The following NFATC4 variants were observed in gnomAD, a reference collection of about 807,000 sequenced individuals.
NFATC4 encodes the protein nuclear factor of activated T-cells, cytoplasmic 4.
Under a neutral mutation model 73.4 loss-of-function variants are expected in NFATC4, and 25 were observed. That is an observed-to-expected ratio of 0.34 (90% CI 0.25 to 0.48). The LOEUF is 0.48. NFATC4 is among the 20% of genes least tolerant of loss of function. NFATC4 has a pLI of 0.99. For synonymous variants in NFATC4, 523 were observed against 510.3 expected (o/e 1.02, Z -0.34); for missense variants, 1,130 against 1,203.7 (o/e 0.94, Z 0.91).
upstream of NFATC4, among the ~76,000 whole-genome samples, chr14:24,367,830 C>T (rs940543673): frequency 1.3e-5 from 2 of 152,168 alleles, no homozygotes; most frequent in East Asian, 1.9e-4. Flanking sequence ...GGGCTCTCTA[C>T]CCTGGGGGCC....
At chr14:24,368,131 TGGGGGGGGGACCGC>T, upstream of NFATC4, 1 of 1,133,462 alleles carries the variant, frequency 8.8e-7, no homozygotes, top group Non-Finnish European at 1.1e-6. Flanking sequence ...AGGGACAGGC[TGGGGGGGGGACCGC>T]TTTGAAGAAG....
intron 6 of NFATC4, 37 bp downstream of exon 6, chr14:24,374,503 G>T: frequency 6.4e-7 from 1 of 1,571,370 alleles, no homozygotes; most frequent in Non-Finnish European, 8.7e-7. Context: ...CAGGCAGGGA[G>T]AGCTTGGGAG....
rs2042624900 is a variant in NFATC4 at position 24,376,498 on chromosome 14, C to T, written c.2261C>T (p.Pro754Leu). 6.2e-7 allele frequency: 1 copy of T among 1,613,586 alleles called. No homozygotes were observed. ...GMPPLYPQTGPPPSYRPGLRM... is the reference protein window; with the variant it reads ...GMPPLYPQTGLPPSYRPGLRM... Reference sequence around the variant, plus strand: ...CCCCCTCTGTACCCCCAGACGGGGCCCCCACCATCCTACAGACCGGGCCTG... The same window carrying T: ...CCCCCTCTGTACCCCCAGACGGGGCTCCCACCATCCTACAGACCGGGCCTG... The change falls in exon 9 of 10, where the codon CCC (proline) becomes CTC (leucine). Residue 754 changes from proline (P) to leucine (L), a missense_variant. Pro to Leu is a moderately conservative substitution (Grantham distance 98). This residue lies in a region of NFATC4 where 390 missense variants were observed against 408.1 expected (regional missense o/e 0.96). Transcript: ENST00000250373. This position sits in a 1 kb window ranked among gnomAD's most constrained non-coding sequence, Gnocchi z 5.0.
In NFATC4 at chr14:24,368,266, C is replaced by G; in HGVS notation, c.-75C>G. Reference sequence around the variant, plus strand: ...CAGAGAAAGGGAGGGAGGGAGCCACCCGGGTGAAGATACAGCAGCCTCCTG... The same window carrying G: ...CAGAGAAAGGGAGGGAGGGAGCCACGCGGGTGAAGATACAGCAGCCTCCTG... On this transcript the variant is annotated 5_prime_UTR_variant, in exon 1 of 10. Coordinates refer to ENST00000250373, the MANE Select transcript of NFATC4 (RefSeq NM_004554.5). The G allele has an allele frequency of 7.4e-7, 1 of 1,353,876 alleles. No individual in the cohort carries two copies. The highest frequency in any genetic ancestry group is 9.5e-7 in the Non-Finnish European group (1 of 1,050,728). 83.9% of individuals were successfully genotyped at this position (1,353,876 alleles called of 1,614,324 possible).
At position 24,370,320 on chromosome 14, in the gene NFATC4, G is replaced by A. The variant is rs748276093; in HGVS notation, c.922G>A (p.Asp308Asn). The A allele has an allele frequency of 6.2e-7, 1 of 1,611,532 alleles. No individual in the cohort carries two copies. The highest frequency in any genetic ancestry group is 1.7e-5 in the Admixed American group (1 of 59,976). ...PPPPPLPLAR[D>N]PGSPGPFDYV... is the part of the protein sequence containing the mutation. ...ACCACCCCCATTGCCTCTGGCCCGG[G>A]ACCCGGGCTCCCCTGGTCCCTTTGA... Residue 308 changes from aspartate (D) to asparagine (N), a missense_variant, in exon 2 of 10, where the codon GAC (aspartate) becomes AAC (asparagine). By Grantham distance (23) the Asp-to-Asn change is conservative (BLOSUM62 1). Transcript: ENST00000250373.
rs1202073978 is a variant in NFATC4, at chr14:24,373,090, T to A, written c.1360-81T>A. On this transcript the variant is annotated intron_variant, in intron 3 of 9. Transcript: ENST00000250373. The surrounding 1 kb of genome is among the most constrained non-coding windows in gnomAD (Gnocchi z 4.7). ...TTTATCTTTCACCATTCCCATCCCA[T>A]GGTAGACTGAAAATCTAGGGATGAA... 7.2e-7 allele frequency: 1 copy of A among 1,388,432 alleles called. No homozygotes were observed. Among genetic ancestry groups the A allele is most frequent in the Non-Finnish European group, 1.0e-6 (1 of 993,654 alleles). 86.0% of individuals were successfully genotyped at this position (1,388,432 alleles called of 1,614,324 possible).
rs1346029228 is a variant in NFATC4, at chr14:24,375,994, T to C, written c.1949T>C (p.Val650Ala). The change falls in exon 8 of 10, where the codon GTC becomes GCC. Residue 650 changes from valine (V) to alanine (A), a missense_variant. Coordinates refer to ENST00000250373, the MANE Select transcript of NFATC4 (RefSeq NM_004554.5). ...CCCTAGGTGACGCTGACCCTGACTG[T>C]CCCCGAGTACAGCAACAAGAGGGTT... ...QSNEVTLTLTVPEYSNKRVSR... is the reference protein window; with the variant it reads ...QSNEVTLTLTAPEYSNKRVSR... 1.9e-6 allele frequency: 3 copies of C among 1,613,992 alleles called. No homozygotes were observed. In the South Asian group the frequency reaches 3.3e-5, roughly 18 times the overall value.
intron 6 of NFATC4, among the ~76,000 whole-genome samples, chr14:24,374,907 C>T (rs1594717019): frequency 6.6e-6 from 1 of 152,050 alleles, no homozygotes. Flanking sequence ...CCAGCACCAA[C>T]CTGAGGCCTT....
At chr14:24,367,755 G>A (rs1422103390), upstream of NFATC4, 9 of 1,423,164 alleles carry the variant, frequency 6.3e-6, no homozygotes, top group African/African-American at 1.4e-5. Flanking sequence ...AAGGGGAGGA[G>A]AAGTGGTTCT....
chr14:24,368,012 G>C, upstream of NFATC4: 1 of 1,089,864 alleles, frequency 9.2e-7, no homozygotes, highest in African/African-American at 1.7e-5. Context: ...TTTTGAGGGG[G>C]AGGGACTGAA....
At chr14:24,367,403 C>G (rs928876362), upstream of NFATC4, 9 of 1,535,508 alleles carry the variant, frequency 5.9e-6, no homozygotes, top group African/African-American at 1.1e-4. Context: ...GCCAACTTCC[C>G]GTGGAGGCTA....
In NFATC4 at chr14:24,370,483, T is replaced by C. The variant is rs905702316; in HGVS notation, c.1085T>C (p.Val362Ala). The change falls in exon 2 of 10, where the codon GTG (valine) becomes GCG (alanine). Residue 362 changes from valine to alanine, a missense_variant. Coordinates refer to ENST00000250373, the MANE Select transcript of NFATC4 (RefSeq NM_004554.5). ...CTGCCCTTGGGAGCAGAGGAGTCTGTGGCTCCTCCAGGAGGTTCCCGGAAG... is the reference window on the plus strand; with the variant it reads ...CTGCCCTTGGGAGCAGAGGAGTCTGCGGCTCCTCCAGGAGGTTCCCGGAAG... ...GKLPLGAEES[V>A]APPGGSRKEV... 2 of 1,614,002 alleles carry C rather than the reference T, an allele frequency of 1.2e-6. No individual in the cohort carries two copies. The highest frequency in any genetic ancestry group is 2.7e-5 in the African/African-American group (2 of 74,924).
At chr14:24,375,856 G>T in intron 7 of NFATC4, 119 bp from the exon 8 acceptor site, 1 of 1,551,972 alleles carries the variant, frequency 6.4e-7, no homozygotes, top group Non-Finnish European at 8.9e-7. Flanking sequence ...CATCTCTAGG[G>T]AATGAACTTT....
chr14:24,369,590 T>A lies in NFATC4; in HGVS notation c.192T>A (p.Pro64=). The change falls in exon 2 of 10, where the codon CCT becomes CCA. Residue 64 remains proline, a synonymous_variant. Coordinates refer to ENST00000250373, the MANE Select transcript of NFATC4 (RefSeq NM_004554.5). The part of the protein sequence containing the change: ...YGAAPIGIPR[P]PPPRPGMHSP... ...CTGCACCTATCGGTATTCCCCGACC[T>A]CCACCCCCTCGGCCTGGCATGCATT... is the stretch of plus-strand genomic sequence containing the variant. The A allele has an allele frequency of 6.2e-7, 1 of 1,612,746 alleles. No individual in the cohort carries two copies. Among genetic ancestry groups the A allele is most frequent in the Non-Finnish European group, 8.5e-7 (1 of 1,179,532 alleles).
Position 24,369,996 on chromosome 14 carries a change from T to A in NFATC4, c.598T>A (p.Ser200Thr). The A allele has an allele frequency of 6.2e-7, 1 of 1,612,534 alleles. No individual in the cohort carries two copies. The highest frequency in any genetic ancestry group is 8.5e-7 in the Non-Finnish European group (1 of 1,179,902). ...GTATGCAGCCTGCGACGAGGTGGAG[T>A]CTGAGCTAAATGAGGCGGCCTCCCG... ...ALYAACDEVE[S>T]ELNEAASRFG... The change falls in exon 2 of 10, where the codon TCT becomes ACT. Residue 200 changes from serine to threonine, a missense_variant. By Grantham distance (58) the Ser-to-Thr change is moderately conservative. Coordinates refer to ENST00000250373, the MANE Select transcript of NFATC4 (RefSeq NM_004554.5).
At position 24,376,396 on chromosome 14, in the gene NFATC4, C is replaced by T; in HGVS notation, c.2159C>T (p.Pro720Leu). ...GACATGGACTTCTCACCACCCAGGCCCCCCTACCCCTCCTATCCCCATGAA... is the reference window on the plus strand; with the variant it reads ...GACATGGACTTCTCACCACCCAGGCTCCCCTACCCCTCCTATCCCCATGAA... The part of the protein sequence containing the change: ...GTDMDFSPPR[P>L]PYPSYPHEDP... Residue 720 changes from proline to leucine, a missense_variant, in exon 9 of 10, where the codon CCC (proline) becomes CTC (leucine). By Grantham distance (98) the Pro-to-Leu change is moderately conservative (BLOSUM62 -3). Coordinates refer to ENST00000250373, the MANE Select transcript of NFATC4 (RefSeq NM_004554.5). This position sits in a 1 kb window ranked among gnomAD's most constrained non-coding sequence, Gnocchi z 5.0. 6.2e-7 allele frequency: 1 copy of T among 1,613,422 alleles called. No individual in the cohort carries two copies. The highest frequency in any genetic ancestry group is 8.5e-7 in the Non-Finnish European group (1 of 1,179,630).
Position 24,378,313 on chromosome 14 carries a change from A to T in NFATC4, c.*608A>T, listed in dbSNP as rs2042683465. 1 of 156,142 alleles carries T rather than the reference A, an allele frequency of 6.4e-6. No homozygotes were observed. The highest frequency in any genetic ancestry group is 6.0e-5 in the Admixed American group (1 of 16,542). 9.7% of individuals were successfully genotyped at this position (156,142 alleles called of 1,614,324 possible). On this transcript the variant is annotated 3_prime_UTR_variant, in exon 10 of 10. Transcript: ENST00000250373. ...GTCCAGATTCCTTAGGAGCTTTGGGATGAGGCCCAGGAGGCTGCATTTTTC... is the reference window on the plus strand; with the variant it reads ...GTCCAGATTCCTTAGGAGCTTTGGGTTGAGGCCCAGGAGGCTGCATTTTTC...
At position 24,372,498 on chromosome 14, in the gene NFATC4, G is replaced by T. The variant is rs773994849; in HGVS notation, c.1254G>T (p.Glu418Asp). ...TGCCCAGCCAATATGAGCAGCTGGAGCTGAGGATCGAGGTACAGCCTAGAG... is the reference window on the plus strand; with the variant it reads ...TGCCCAGCCAATATGAGCAGCTGGATCTGAGGATCGAGGTACAGCCTAGAG... ...WPLPSQYEQL[E>D]LRIEVQPRAH... The change falls in exon 3 of 10, where the codon GAG becomes GAT. Residue 418 changes from glutamate (E) to aspartate (D), a missense_variant. Physicochemically the swap from Glu to Asp is conservative, Grantham distance 45. Around this residue, in one of 3 missense-constraint regions of NFATC4, gnomAD observed 585 missense variants for 574.3 expected, o/e 1.02. Transcript: ENST00000250373. 4 of 1,613,936 alleles carry T rather than the reference G, an allele frequency of 2.5e-6. No individual in the cohort carries two copies. The African/African-American group carries it at 4.0e-5, about 16-fold the overall frequency.
chr14:24,376,435 A>T lies in NFATC4; in HGVS notation c.2198A>T (p.Glu733Val). 6.2e-7 allele frequency: 1 copy of T among 1,613,584 alleles called. No individual in the cohort carries two copies. The highest frequency in any genetic ancestry group is 8.5e-7 in the Non-Finnish European group (1 of 1,179,838). The part of the protein sequence containing the change: ...PSYPHEDPAC[E>V]TPYLSEGFGY... ...TATCCCCATGAAGACCCTGCTTGCG[A>T]AACTCCTTACCTATCAGAAGGCTTC... Residue 733 changes from glutamate to valine, a missense_variant, in exon 9 of 10, where the codon GAA (glutamate) becomes GTA (valine). Glu to Val is a moderately radical substitution (Grantham distance 121, BLOSUM62 -2). Transcript: ENST00000250373. The surrounding 1 kb of genome is among the most constrained non-coding windows in gnomAD (Gnocchi z 5.0).
Sources: allele counts gnomAD v4.1 joint callset (sites outside exome capture counted in the v4.1 genomes callset), GRCh38; gene constraint gnomAD v4.1.1; regional missense constraint gnomAD v4.1.1; non-coding constraint Gnocchi (gnomAD v3.1); transcripts MANE v1.5; gene names NCBI Gene and HGNC (gene_info 2026-07-23, HGNC 2026-07-21).